The following SHROOM3 variants were observed in gnomAD, a reference collection of about 807,000 sequenced individuals.
The protein encoded by SHROOM3 is protein Shroom3.
In SHROOM3, 47 loss-of-function variants were observed where a neutral mutation model predicts 138.6. The ratio of observed to expected loss-of-function variants is 0.34; its 90% CI spans 0.27 to 0.43. The LOEUF (loss-of-function observed/expected upper bound fraction) is 0.43, where lower values mean the gene tolerates loss of function less well. Ranked by LOEUF, SHROOM3 falls within the 20% of genes least tolerant of loss-of-function variation. SHROOM3 has a pLI of 1.00. For synonymous variants in SHROOM3, 1,062 were observed against 1,063.3 expected (o/e 1.00, Z 0.02); for missense variants, 2,491 against 2,596.5 (o/e 0.96, Z 0.88).
chr4:76,564,630 C>T (rs1294558499), intron 2 of SHROOM3, among the ~76,000 whole-genome samples: 1 of 152,076 alleles, frequency 6.6e-6, no homozygotes, highest in African/African-American at 2.4e-5. Flanking sequence ...CATCTTTTTC[C>T]CCCGTAGCAC....
chr4:76,468,911 G>A (rs1731305420), intron 1 of SHROOM3, among the ~76,000 whole-genome samples: 1 of 151,974 alleles, frequency 6.6e-6, no homozygotes, highest in South Asian at 2.1e-4. Flanking sequence ...GCAGGCGACT[G>A]TAGTCCCAGC....
chr4:76,605,421 T>C (rs573034021), intron 2 of SHROOM3, among the ~76,000 whole-genome samples: 47 of 152,324 alleles, frequency 3.1e-4, no homozygotes, highest in African/African-American at 9.1e-4. Flanking sequence ...ATGAGCACCA[T>C]AAATTAGATT....
chr4:76,769,660 T>G (rs1722284411), intron 9 of SHROOM3, among the ~76,000 whole-genome samples: 2 of 152,260 alleles, frequency 1.3e-5, no homozygotes, highest in African/African-American at 2.4e-5. Flanking sequence ...AAGGTCTTGC[T>G]GTCAATTTCT....
At chr4:76,624,797 C>T (rs1483064209) in intron 2 of SHROOM3, among the ~76,000 whole-genome samples, 1 of 152,164 alleles carries the variant, frequency 6.6e-6, no homozygotes, top group Non-Finnish European at 1.5e-5. Flanking sequence ...TAATATTGAA[C>T]ATTGGAAAGA....
chr4:76,750,881 C>G (rs1284490629), intron 6 of SHROOM3, among the ~76,000 whole-genome samples: 1 of 151,996 alleles, frequency 6.6e-6, no homozygotes, highest in African/African-American at 2.4e-5. Context: ...TCGCATACCA[C>G]TGAATAACTG....
At chr4:76,521,311 T>C (rs1004018747) in intron 1 of SHROOM3, among the ~76,000 whole-genome samples, 1 of 152,192 alleles carries the variant, frequency 6.6e-6, no homozygotes, top group Non-Finnish European at 1.5e-5. Context: ...TATGTGTGTG[T>C]GTGCACACAT....
Position 76,740,596 on chromosome 4 carries a change from A to G in SHROOM3, c.2423A>G (p.Asn808Ser), listed in dbSNP as rs574208124. The G allele has an allele frequency of 6.2e-7, 1 of 1,614,124 alleles. No individual in the cohort carries two copies. Among genetic ancestry groups the G allele is most frequent in the Non-Finnish European group, 8.5e-7 (1 of 1,180,020 alleles). ...PSVGGSGFGH[N>S]YRPHRTVSTS... is the part of the protein sequence containing the mutation. ...GTGGGCGGCTCTGGTTTTGGCCATA[A>G]CTATAGGCCCCACAGGACCGTCTCA... The change falls in exon 5 of 11, where the codon AAC (asparagine) becomes AGC (serine). Residue 808 changes from asparagine to serine, a missense_variant. Around this residue, in one of 4 missense-constraint regions of SHROOM3, gnomAD observed 1,733 missense variants for 1,661.6 expected, o/e 1.04. Coordinates refer to ENST00000296043, the MANE Select transcript of SHROOM3 (RefSeq NM_020859.4). This position sits in a 1 kb window ranked among gnomAD's most constrained non-coding sequence, Gnocchi z 4.0.
chr4:76,727,173 T>C (rs1720731811), intron 3 of SHROOM3, among the ~76,000 whole-genome samples: 1 of 152,212 alleles, frequency 6.6e-6, no homozygotes, highest in South Asian at 2.1e-4. Context: ...TTGGGCCCAC[T>C]GGGGTCTAAA....
intron 1 of SHROOM3, among the ~76,000 whole-genome samples, chr4:76,498,374 G>T (rs1399331389): frequency 1.3e-5 from 2 of 152,070 alleles, no homozygotes; most frequent in Non-Finnish European, 2.9e-5. Context: ...GAGAAAGAAA[G>T]AGAGAGAGAA....
intron 1 of SHROOM3, among the ~76,000 whole-genome samples, chr4:76,442,197 T>C (rs1342122299): frequency 6.6e-6 from 1 of 152,238 alleles, no homozygotes; most frequent in African/African-American, 2.4e-5. Flanking sequence ...GCTTAATAAA[T>C]GTTAAATGAC....
intron 2 of SHROOM3, among the ~76,000 whole-genome samples, chr4:76,630,528 A>C (rs945569490): frequency 6.6e-6 from 1 of 152,234 alleles, no homozygotes; most frequent in Non-Finnish European, 1.5e-5. Context: ...GGAGAGTCGG[A>C]GAGAGCCTTC....
At chr4:76,746,740 C>T (rs926448538) in intron 5 of SHROOM3, among the ~76,000 whole-genome samples, 2 of 151,130 alleles carry the variant, frequency 1.3e-5, no homozygotes, top group African/African-American at 2.4e-5. Context: ...TAACTTGGAA[C>T]CCAAAACAGG....
intron 1 of SHROOM3, among the ~76,000 whole-genome samples, chr4:76,541,354 A>C (rs916386202): frequency 2.0e-5 from 3 of 152,346 alleles, no homozygotes; most frequent in Admixed American, 6.5e-5. Context: ...ATTCCTTTAA[A>C]TTTAAAGAAA....
chr4:76,605,990 C>CATATATAT (rs751028363), intron 2 of SHROOM3, among the ~76,000 whole-genome samples: 2 of 84,714 alleles, frequency 2.4e-5, no homozygotes, highest in African/African-American at 1.1e-4. Flanking sequence ...CACACACACA[C>CATATATAT]ATATATATAT....
chr4:76,648,985 AT>A (rs5859525), intron 2 of SHROOM3, among the ~76,000 whole-genome samples: 1 of 151,988 alleles, frequency 6.6e-6, no homozygotes, highest in Non-Finnish European at 1.5e-5. Context: ...GGAGGACAAA[AT>A]TTTTTAAGAC....
intron 1 of SHROOM3, among the ~76,000 whole-genome samples, chr4:76,469,699 G>A (rs923596614): frequency 3.9e-5 from 6 of 152,090 alleles, no homozygotes; most frequent in Non-Finnish European, 7.4e-5. Context: ...TCAGGCAGTC[G>A]ACCTGCCTTG....
intron 2 of SHROOM3, among the ~76,000 whole-genome samples, chr4:76,665,758 C>T (rs1718674723): frequency 6.6e-6 from 1 of 152,208 alleles, no homozygotes; most frequent in African/African-American, 2.4e-5. Flanking sequence ...TTTTGAGAAA[C>T]AGATTCAAGT....
chr4:76,627,110 T>C (rs1274221706), intron 2 of SHROOM3, among the ~76,000 whole-genome samples: 1 of 152,202 alleles, frequency 6.6e-6, no homozygotes, highest in Non-Finnish European at 1.5e-5. Flanking sequence ...TGTGTGGCTA[T>C]GTCAAATTAT....
chr4:76,445,403 A>G (rs1385421381), intron 1 of SHROOM3, among the ~76,000 whole-genome samples: 1 of 152,132 alleles, frequency 6.6e-6, no homozygotes, highest in Admixed American at 6.5e-5. Context: ...ACCCAATACG[A>G]TATGTTCCAG....
Sources: allele counts gnomAD v4.1 joint callset (sites outside exome capture counted in the v4.1 genomes callset), GRCh38; gene constraint gnomAD v4.1.1; regional missense constraint gnomAD v4.1.1; non-coding constraint Gnocchi (gnomAD v3.1); transcripts MANE v1.5; gene names NCBI Gene and HGNC (gene_info 2026-07-23, HGNC 2026-07-21).